The following MEGF9 variants were observed in gnomAD, a reference collection of about 807,000 sequenced individuals.
MEGF9 encodes multiple epidermal growth factor-like domains protein 9.
Under a neutral mutation model 46.8 loss-of-function variants are expected in MEGF9, and 6 were observed. That is an observed-to-expected ratio of 0.13 (90% CI 0.07 to 0.25). The LOEUF (loss-of-function observed/expected upper bound fraction) is 0.25, where lower values mean the gene tolerates loss of function less well. MEGF9 is among the 10% of genes least tolerant of loss of function. The pLI is 1.00. For synonymous variants in MEGF9, 302 were observed against 330.7 expected, an observed-to-expected ratio of 0.91 and a Z score of 0.94; for missense variants, 683 against 792.4, an observed-to-expected ratio of 0.86 and a Z score of 1.66.
intron 1 of MEGF9, among the ~76,000 whole-genome samples, chr9:120,680,222 C>T (rs1278324964): frequency 4.6e-5 from 7 of 152,084 alleles, no homozygotes; most frequent in East Asian, 1.9e-4. Flanking sequence ...GGTGTTGATA[C>T]GTGTAGATAT....
intron 1 of MEGF9, among the ~76,000 whole-genome samples, chr9:120,701,017 GCT>G (rs2043902293): frequency 6.6e-6 from 1 of 151,728 alleles, no homozygotes; most frequent in Non-Finnish European, 1.5e-5. Flanking sequence ...TACTTGGGAG[GCT>G]GAGGTGAGTG....
At chr9:120,667,832 C>T (rs1182119966) in intron 1 of MEGF9, among the ~76,000 whole-genome samples, 4 of 152,208 alleles carry the variant, frequency 2.6e-5, no homozygotes, top group Non-Finnish European at 5.9e-5. Flanking sequence ...TCAAGACCAG[C>T]CTGGCCAATA....
At position 120,637,948 on chromosome 9, in the gene MEGF9, T is replaced by C. The variant is rs2043586082; in HGVS notation, c.804-15193A>G. On this transcript the variant is annotated intron_variant, in intron 2 of 5. Transcript: ENST00000373930. ...AAATATGTTAATATTTGTATTCTTT[T>C]GTAACCATTGTAAAAGAGATGTTTA... 3.9e-5 allele frequency among the ~76,000 whole-genome samples: 6 copies of C among 152,278 alleles called. No homozygotes were observed. In the South Asian group the frequency reaches 1.0e-3, roughly 26 times the overall value.
At chr9:120,707,817 C>T (rs1564432508) in intron 1 of MEGF9, among the ~76,000 whole-genome samples, 1 of 152,054 alleles carries the variant, frequency 6.6e-6, no homozygotes, top group South Asian at 2.1e-4. Context: ...CTGAGGCAGG[C>T]AGATCATTTG....
At chr9:120,654,457 A>T (rs2043667330) in intron 2 of MEGF9, among the ~76,000 whole-genome samples, 1 of 152,224 alleles carries the variant, frequency 6.6e-6, no homozygotes, top group African/African-American at 2.4e-5. Flanking sequence ...ACCTAGTGAG[A>T]TCATAGCTGT....
chr9:120,610,112 A>G (rs1587972122), intron 4 of MEGF9, among the ~76,000 whole-genome samples: 1 of 152,194 alleles, frequency 6.6e-6, no homozygotes, highest in Non-Finnish European at 1.5e-5. Context: ...AAGGAATTAA[A>G]CCAGAAATAC....
intron 3 of MEGF9, among the ~76,000 whole-genome samples, chr9:120,619,280 G>T (rs1279278919): frequency 1.3e-5 from 2 of 152,204 alleles, no homozygotes; most frequent in Admixed American, 1.3e-4. Flanking sequence ...CCAGGAGGTG[G>T]AGGTTGCAGT....
chr9:120,635,080 C>A (rs1374651673), intron 2 of MEGF9, among the ~76,000 whole-genome samples: 4 of 152,122 alleles, frequency 2.6e-5, no homozygotes, highest in African/African-American at 4.8e-5. Context: ...GATAGCTTTT[C>A]TGGGTATAGT....
At chr9:120,630,449 T>C (rs943669142) in intron 2 of MEGF9, among the ~76,000 whole-genome samples, 6 of 152,226 alleles carry the variant, frequency 3.9e-5, no homozygotes, top group African/African-American at 1.2e-4. Context: ...TCTTGGCTAT[T>C]GTGAAGTGCT....
intron 2 of MEGF9, among the ~76,000 whole-genome samples, chr9:120,655,674 T>C (rs1221805549): frequency 6.6e-6 from 1 of 152,152 alleles, no homozygotes; most frequent in Non-Finnish European, 1.5e-5. Flanking sequence ...CCCAAAAAAC[T>C]AACCAAGTTC....
chr9:120,709,830 C>T (rs1388004643), intron 1 of MEGF9, among the ~76,000 whole-genome samples: 1 of 151,946 alleles, frequency 6.6e-6, no homozygotes, highest in African/African-American at 2.4e-5. Context: ...GGGCAGATTA[C>T]CTGAGGTCAG....
intron 2 of MEGF9, among the ~76,000 whole-genome samples, chr9:120,656,502 G>A (rs980892461): frequency 4.3e-5 from 6 of 140,950 alleles, no homozygotes; most frequent in Non-Finnish European, 7.5e-5. Flanking sequence ...AGCCAAGATC[G>A]TGCCACTGCA....
intron 1 of MEGF9, among the ~76,000 whole-genome samples, chr9:120,712,388 A>G (rs780537737): frequency 6.6e-6 from 1 of 152,240 alleles, no homozygotes; most frequent in Non-Finnish European, 1.5e-5. Flanking sequence ...CTAAGCTTAC[A>G]CAGCTAACAA....
At chr9:120,629,746 C>G (rs530826877) in intron 2 of MEGF9, among the ~76,000 whole-genome samples, 2 of 152,152 alleles carry the variant, frequency 1.3e-5, no homozygotes, top group East Asian at 3.9e-4. Context: ...CCATCCTGGA[C>G]AATATGGTGA....
chr9:120,669,855 A>C (rs980700503), intron 1 of MEGF9, among the ~76,000 whole-genome samples: 1 of 152,198 alleles, frequency 6.6e-6, no homozygotes, highest in Non-Finnish European at 1.5e-5. Flanking sequence ...TTGATATCAG[A>C]AACGAGATAT....
chr9:120,662,245 A>G (rs2043705836), intron 1 of MEGF9, among the ~76,000 whole-genome samples: 1 of 152,222 alleles, frequency 6.6e-6, no homozygotes, highest in Non-Finnish European at 1.5e-5. Context: ...TAGTCAGTCT[A>G]ATATCTTCAT....
chr9:120,614,039 G>C (rs1233548346), intron 3 of MEGF9, among the ~76,000 whole-genome samples: 1 of 147,388 alleles, frequency 6.8e-6, no homozygotes, highest in Admixed American at 6.8e-5. Context: ...TTTCTTTTGA[G>C]ACGGAGATCA....
At chr9:120,620,769 G>T (rs966747747) in intron 3 of MEGF9, among the ~76,000 whole-genome samples, 1 of 151,880 alleles carries the variant, frequency 6.6e-6, no homozygotes, top group African/African-American at 2.4e-5. Flanking sequence ...AGAAATAAAA[G>T]CCAGTCTGAC....
chr9:120,679,649 G>A (rs752890273), intron 1 of MEGF9, among the ~76,000 whole-genome samples: 5 of 151,924 alleles, frequency 3.3e-5, no homozygotes, highest in Non-Finnish European at 7.4e-5. Context: ...GAGAGACAGA[G>A]AGACTCTGGC....
Sources: allele counts gnomAD v4.1 joint callset (sites outside exome capture counted in the v4.1 genomes callset), GRCh38; gene constraint gnomAD v4.1.1; transcripts MANE v1.5; gene names NCBI Gene and HGNC (gene_info 2026-07-23, HGNC 2026-07-21).